Variants in TLCD4 observed in about 807,000 individuals in gnomAD.
TLCD4 encodes the protein TLC domain-containing protein 4.
TLCD4 carries 7 observed loss-of-function variants against 24.2 expected under a neutral mutation model. The ratio of observed to expected loss-of-function variants is 0.29; its 90% CI spans 0.16 to 0.54. The LOEUF is 0.54. TLCD4 is among the 20% of genes least tolerant of loss of function. The pLI is 0.95. For missense variants in TLCD4, 259 were observed against 313.9 expected (o/e 0.82, Z 1.32); for synonymous variants, 103 against 106.4 (o/e 0.97, Z 0.20).
intron 2 of TLCD4, among the ~76,000 whole-genome samples, chr1:95,146,534 TC>T (rs1242115528): frequency 1.3e-5 from 2 of 152,084 alleles, no homozygotes; most frequent in Non-Finnish European, 2.9e-5. Flanking sequence ...ACATTTCTTT[TC>T]CACCCTCTTT....
chr1:95,094,613 G>T, the TLCD4 span, among the ~76,000 whole-genome samples: 1 of 152,128 alleles, frequency 6.6e-6, no homozygotes, highest in Non-Finnish European at 1.5e-5. Flanking sequence ...TCTGTGAACT[G>T]GTCTTGATCA....
intron 5 of TLCD4, among the ~76,000 whole-genome samples, chr1:95,159,280 G>A (rs1489477317): frequency 4.6e-5 from 7 of 152,246 alleles, no homozygotes; most frequent in East Asian, 3.9e-4. Context: ...ATTTTTTCAC[G>A]TGTCTGTTGG....
At chr1:95,105,551 G>T in the TLCD4 span, among the ~76,000 whole-genome samples, 1 of 152,184 alleles carries the variant, frequency 6.6e-6, no homozygotes, top group African/African-American at 2.4e-5. Flanking sequence ...TCTAAATTCA[G>T]AAAATATTTA....
intron 6 of TLCD4, among the ~76,000 whole-genome samples, chr1:95,187,626 G>A (rs1010202735): frequency 6.6e-6 from 1 of 152,040 alleles, no homozygotes; most frequent in African/African-American, 2.4e-5. Context: ...TTGATGTTAA[G>A]CTTGTTCACC....
the TLCD4 span, among the ~76,000 whole-genome samples, chr1:95,097,176 A>G: frequency 2.5e-3 from 382 of 152,324 alleles, no homozygotes; most frequent in Non-Finnish European, 4.9e-3. Context: ...TATCAAATCA[A>G]TGTAATTAGG....
chr1:95,105,974 G>C, the TLCD4 span, among the ~76,000 whole-genome samples: 2 of 151,976 alleles, frequency 1.3e-5, no homozygotes, highest in African/African-American at 2.4e-5. Context: ...CTAGTTTGGA[G>C]GCAGTTGTTC....
chr1:95,178,706 G>A lies in TLCD4; in HGVS notation c.473+4817G>A, dbSNP rs146801794. On this transcript the variant is annotated intron_variant, in intron 6 of 6. Coordinates refer to ENST00000370203, the MANE Select transcript of TLCD4 (RefSeq NM_152487.3). ...GGGACTATGCCTTAGTTTTGGAATC[G>A]GATAAACTCAAGTTGCAATGACCTT... Among the ~76,000 whole-genome samples the A allele has an allele frequency of 4.8e-3, 730 of 151,446 alleles. 7 individuals carry two copies. The highest frequency in any genetic ancestry group is 0.016 in the African/African-American group (650 of 41,212).
At chr1:95,165,825 A>G (rs953460726) in intron 5 of TLCD4, among the ~76,000 whole-genome samples, 4 of 152,158 alleles carry the variant, frequency 2.6e-5, no homozygotes, top group South Asian at 2.1e-4. Flanking sequence ...TCAGAGAACC[A>G]TTGTGTAACT....
At chr1:95,191,218 A>C (rs1378282136) in intron 6 of TLCD4, among the ~76,000 whole-genome samples, 1 of 152,192 alleles carries the variant, frequency 6.6e-6, no homozygotes, top group Admixed American at 6.5e-5. Context: ...CTTGTTGAAA[A>C]GACTTTTTTT....
At chr1:95,177,933 T>C (rs527410036) in intron 6 of TLCD4, among the ~76,000 whole-genome samples, 4 of 148,624 alleles carry the variant, frequency 2.7e-5, no homozygotes, top group Non-Finnish European at 4.5e-5. Flanking sequence ...TTTTTTTCTT[T>C]TCTTTTTTTT....
chr1:95,186,291 G>A (rs911699283), intron 6 of TLCD4, among the ~76,000 whole-genome samples: 4 of 152,130 alleles, frequency 2.6e-5, no homozygotes, highest in Admixed American at 6.5e-5. Context: ...CAACCCAGGC[G>A]GCCTGACTGC....
At chr1:95,143,697 CATAAG>C (rs1677268901) in intron 1 of TLCD4, among the ~76,000 whole-genome samples, 189 bp from the exon 2 acceptor site, 3 of 151,814 alleles carry the variant, frequency 2.0e-5, no homozygotes, top group Admixed American at 6.6e-5. Flanking sequence ...ATAAAACAGA[CATAAG>C]ATACATGACA....
chr1:95,116,088 C>T (rs1476816921), upstream of TLCD4, among the ~76,000 whole-genome samples: 6 of 152,166 alleles, frequency 3.9e-5, no homozygotes, highest in African/African-American at 1.4e-4. Flanking sequence ...AAGGGGAACA[C>T]GCATTTGGGG....
chr1:95,154,105 A>C (rs1677565974), intron 5 of TLCD4, among the ~76,000 whole-genome samples: 1 of 152,168 alleles, frequency 6.6e-6, no homozygotes, highest in South Asian at 2.1e-4. Flanking sequence ...GCACTAAATA[A>C]TCTTTAAGGT....
chr1:95,152,476 C>T (rs1677519892), intron 5 of TLCD4, among the ~76,000 whole-genome samples: 1 of 151,792 alleles, frequency 6.6e-6, no homozygotes, highest in South Asian at 2.1e-4. Flanking sequence ...AGCTTTTTTT[C>T]TTAAATGATT....
At chr1:95,128,387 T>G (rs1322444756) in intron 1 of TLCD4, among the ~76,000 whole-genome samples, 2 of 152,092 alleles carry the variant, frequency 1.3e-5, no homozygotes, top group Non-Finnish European at 2.9e-5. Flanking sequence ...TGATGCAAAA[T>G]AGATGAATTA....
intron 6 of TLCD4, among the ~76,000 whole-genome samples, chr1:95,175,499 G>GCATA (rs1253246436): frequency 6.6e-6 from 1 of 152,182 alleles, no homozygotes; most frequent in Non-Finnish European, 1.5e-5. Flanking sequence ...ATGGACATGG[G>GCATA]CATACAAATA....
chr1:95,143,346 C>T (rs954096609), intron 1 of TLCD4, among the ~76,000 whole-genome samples: 2 of 152,070 alleles, frequency 1.3e-5, no homozygotes, highest in African/African-American at 4.8e-5. Flanking sequence ...AGACTGTGTT[C>T]TTCTTAAGAT....
At chr1:95,103,818 A>G in the TLCD4 span, among the ~76,000 whole-genome samples, 2 of 152,330 alleles carry the variant, frequency 1.3e-5, no homozygotes, top group Non-Finnish European at 2.9e-5. Flanking sequence ...GTTTCCCATG[A>G]TACTCTTACA....
Sources: gnomAD v4.1 joint callset for allele counts (sites outside exome capture counted in the v4.1 genomes callset) on GRCh38, gnomAD v4.1.1 for gene constraint, MANE v1.5 for transcripts, NCBI Gene and HGNC (gene_info 2026-07-23, HGNC 2026-07-21) for gene names.